The following PCSK6 variants were observed in gnomAD, a reference collection of about 807,000 sequenced individuals.
PCSK6 encodes proprotein convertase subtilisin/kexin type 6, also known as paired basic amino acid cleaving enzyme 4.
A neutral mutation model predicts 123.3 loss-of-function variants in PCSK6; 85 were observed. The observed-to-expected ratio is 0.69, with a 90% CI of 0.58 to 0.83. The LOEUF (loss-of-function observed/expected upper bound fraction) is 0.83. Among genes scored for constraint, PCSK6 ranks in the 40% least tolerant of loss-of-function variants. The pLI is 0.00. For synonymous variants in PCSK6, 508 were observed against 516.0 expected, an observed-to-expected ratio of 0.98 and a Z score of 0.21; for missense variants, 1,191 against 1,282.3, an observed-to-expected ratio of 0.93 and a Z score of 1.09.
chr15:101,438,620 C>T (rs1023978354), intron 2 of PCSK6, among the ~76,000 whole-genome samples: 1 of 152,208 alleles, frequency 6.6e-6, no homozygotes, highest in Non-Finnish European at 1.5e-5. Context: ...GCCTTCCCAT[C>T]GCCTCTCCTC....
intron 6 of PCSK6, among the ~76,000 whole-genome samples, chr15:101,408,408 C>T (rs2042842643): frequency 6.6e-6 from 1 of 152,224 alleles, no homozygotes; most frequent in Non-Finnish European, 1.5e-5. Context: ...CCACAGCATT[C>T]GAGAGCTAGC....
chr15:101,403,231 T>A (rs1430743918), intron 6 of PCSK6, among the ~76,000 whole-genome samples: 1 of 123,078 alleles, frequency 8.1e-6, no homozygotes, highest in Non-Finnish European at 1.6e-5. Context: ...TGAGAACACA[T>A]GGACACAGGA....
intron 3 of PCSK6, 184 bp from the exon 4 acceptor site, chr15:101,431,647 C>T (rs759833373): frequency 5.0e-5 from 38 of 758,728 alleles, no homozygotes; most frequent in Non-Finnish European, 6.2e-5. Flanking sequence ...CAGACGGCTC[C>T]CTTGCTTTTT....
At chr15:101,361,830 T>C (rs2041232398) in intron 13 of PCSK6, among the ~76,000 whole-genome samples, 4 of 151,854 alleles carry the variant, frequency 2.6e-5, no homozygotes, top group Admixed American at 2.6e-4. Context: ...GGTAAGACAC[T>C]ATAGGGGACT....
At chr15:101,460,170 C>G (rs1000422132) in intron 1 of PCSK6, among the ~76,000 whole-genome samples, 1 of 152,258 alleles carries the variant, frequency 6.6e-6, no homozygotes, top group Non-Finnish European at 1.5e-5. Context: ...CTACCCAACC[C>G]CACCCCTCCG....
intron 6 of PCSK6, among the ~76,000 whole-genome samples, chr15:101,419,708 T>C (rs532875163): frequency 1.3e-5 from 2 of 151,492 alleles, no homozygotes; most frequent in African/African-American, 4.8e-5. Flanking sequence ...CTGACTGTAA[T>C]AATTCAAAGC....
At chr15:101,483,002 G>A (rs868080989) in intron 1 of PCSK6, among the ~76,000 whole-genome samples, 11 of 152,324 alleles carry the variant, frequency 7.2e-5, no homozygotes, top group Admixed American at 1.3e-4. Context: ...GGGTGAAGAC[G>A]TCAGATAGGA....
rs374125003 is a variant in PCSK6 at position 101,331,949 on chromosome 15, C to T, written c.1941G>A (p.Ser647=). 15 of 1,613,862 alleles carry T rather than the reference C, an allele frequency of 9.3e-6. No homozygotes were observed. The highest frequency in any genetic ancestry group is 5.0e-5 in the Admixed American group (3 of 59,994). ...YHTFSAHQSR[S]RMLELSAPEL... ...CTGGGGCTGAGAGCTCCAGCATCCG[C>T]GAGCGGGACTGATGGGCACTGAAGG... The change falls in exon 14 of 22, where the codon TCG becomes TCA. Residue 647 remains serine (S), a synonymous_variant. Coordinates refer to ENST00000611716, the MANE Select transcript of PCSK6 (RefSeq NM_002570.5).
At chr15:101,452,705 C>G (rs115439783) in intron 1 of PCSK6, among the ~76,000 whole-genome samples, 4,647 of 152,218 alleles carry the variant, frequency 0.031, 215 homozygotes, top group African/African-American at 0.1. Flanking sequence ...GATAACCAGG[C>G]TGCCCACTCA....
At chr15:101,328,185 G>T (rs2141365556) in intron 15 of PCSK6, among the ~76,000 whole-genome samples, 1 of 152,354 alleles carries the variant, frequency 6.6e-6, no homozygotes, top group South Asian at 2.1e-4. Flanking sequence ...GCGAACGCGG[G>T]GCTGTCGTGG....
chr15:101,350,731 C>T (rs58629321), intron 13 of PCSK6, among the ~76,000 whole-genome samples: 3,595 of 152,178 alleles, frequency 0.024, 140 homozygotes, highest in African/African-American at 0.082. Flanking sequence ...GGAGCTGGGA[C>T]GGGTGGGGAG....
chr15:101,389,040 A>G (rs1355401434), intron 9 of PCSK6, among the ~76,000 whole-genome samples: 2 of 152,232 alleles, frequency 1.3e-5, no homozygotes, highest in Non-Finnish European at 2.9e-5. Flanking sequence ...TGAGATTATT[A>G]GGGTGGGCCC....
intron 1 of PCSK6, among the ~76,000 whole-genome samples, chr15:101,454,454 GA>G (rs1443983298): frequency 6.6e-6 from 1 of 152,166 alleles, no homozygotes; most frequent in East Asian, 1.9e-4. Context: ...AAAAAGGGAG[GA>G]AACTCTGATG....
Position 101,331,893 on chromosome 15 carries a change from G to T in PCSK6, c.1997C>A (p.Pro666His), listed in dbSNP as rs1285134789. 6.2e-7 allele frequency: 1 copy of T among 1,613,616 alleles called. No homozygotes were observed. The highest frequency in any genetic ancestry group is 8.5e-7 in the Non-Finnish European group (1 of 1,179,660). ...ELEPPKAALSPSQVEVPEDEE... is the reference protein window; with the variant it reads ...ELEPPKAALSHSQVEVPEDEE... ...ATCTTCAGGAACTTCCACCTGGGAG[G>T]GTGACAGGGCAGCCTTGGGTGGCTC... Residue 666 changes from proline to histidine, a missense_variant, in exon 14 of 22, where the codon CCC (proline) becomes CAC (histidine). This residue lies in a region of PCSK6 where 630 missense variants were observed against 631.4 expected (regional missense o/e 1.00). Transcript: ENST00000611716.
intron 13 of PCSK6, among the ~76,000 whole-genome samples, chr15:101,357,128 A>G (rs1191934810): frequency 6.6e-6 from 1 of 152,210 alleles, no homozygotes; most frequent in African/African-American, 2.4e-5. Flanking sequence ...GATTGAAATG[A>G]ACACCACAGA....
chr15:101,465,489 C>T lies in PCSK6; in HGVS notation c.298-21829G>A, dbSNP rs192606917. Among the ~76,000 whole-genome samples, 232 of 152,282 alleles carry T rather than the reference C, an allele frequency of 1.5e-3. 2 individuals carry two copies. The highest frequency in any genetic ancestry group is 5.2e-3 in the African/African-American group (215 of 41,566). On this transcript the variant is annotated intron_variant, in intron 1 of 21. Coordinates refer to ENST00000611716, the MANE Select transcript of PCSK6 (RefSeq NM_002570.5). ...CAGAGTGTGCGGACACACCCAGGAA[C>T]GGCTGAGGCTCCACTCTGGCTCTGA... is the stretch of plus-strand genomic sequence containing the variant.
chr15:101,464,914 A>C (rs1253713489), intron 1 of PCSK6, among the ~76,000 whole-genome samples: 1 of 151,492 alleles, frequency 6.6e-6, no homozygotes, highest in Non-Finnish European at 1.5e-5. Flanking sequence ...AGTAGGGGCC[A>C]GCGGCGGGCA....
At chr15:101,336,025 A>G (rs1032324701) in intron 13 of PCSK6, among the ~76,000 whole-genome samples, 3 of 152,240 alleles carry the variant, frequency 2.0e-5, no homozygotes, top group African/African-American at 7.2e-5. Flanking sequence ...ATCTTATGCA[A>G]TGACTATTGA....
chr15:101,310,171 G>A (rs946189452), intron 20 of PCSK6, among the ~76,000 whole-genome samples: 3 of 151,930 alleles, frequency 2.0e-5, no homozygotes, highest in African/African-American at 7.3e-5. Context: ...TTTGGGAGGC[G>A]TCCACACTGA....
Sources: gnomAD v4.1 joint callset for allele counts (sites outside exome capture counted in the v4.1 genomes callset) on GRCh38, gnomAD v4.1.1 for gene constraint, gnomAD v4.1.1 regional missense constraint, MANE v1.5 for transcripts, NCBI Gene and HGNC (gene_info 2026-07-23, HGNC 2026-07-21) for gene names.